Variants in CLVS1 observed in about 807,000 individuals in gnomAD.
The protein encoded by CLVS1 is clavesin 1.
A neutral mutation model predicts 33.1 loss-of-function variants in CLVS1; 10 were observed. The observed-to-expected ratio is 0.30, with a 90% confidence interval of 0.19 to 0.51. The LOEUF (loss-of-function observed/expected upper bound fraction) is 0.51. Among genes scored for constraint, CLVS1 ranks in the 20% least tolerant of loss-of-function variants. The pLI, the probability that CLVS1 is intolerant of heterozygous loss-of-function variation, is 0.97. For missense variants in CLVS1, 343 were observed against 433.4 expected (o/e 0.79, Z 1.85); for synonymous variants, 163 against 166.1 (o/e 0.98, Z 0.14).
the CLVS1 span, among the ~76,000 whole-genome samples, chr8:61,050,999 G>A: frequency 1.3e-5 from 2 of 152,194 alleles, no homozygotes; most frequent in African/African-American, 2.4e-5. Flanking sequence ...TCCGACTGAG[G>A]AGTGACCTCC....
the CLVS1 span, among the ~76,000 whole-genome samples, chr8:60,987,777 G>T: frequency 6.6e-6 from 1 of 152,076 alleles, no homozygotes; most frequent in Non-Finnish European, 1.5e-5. Context: ...TAATAAAAGT[G>T]CCAATGAGAG....
At chr8:61,172,664 A>T (rs1807027506) in intron 2 of CLVS1, among the ~76,000 whole-genome samples, 1 of 152,188 alleles carries the variant, frequency 6.6e-6, no homozygotes, top group African/African-American at 2.4e-5. Flanking sequence ...CTGCTGCCAT[A>T]CGAATCTTTA....
At chr8:61,047,707 C>G in the CLVS1 span, among the ~76,000 whole-genome samples, 1 of 152,128 alleles carries the variant, frequency 6.6e-6, no homozygotes, top group Admixed American at 6.5e-5. Flanking sequence ...AAACCAAACA[C>G]CGCATGTTCT....
At chr8:61,454,273 T>C (rs1276687215) in intron 4 of CLVS1, 22 bp downstream of exon 4, 1 of 1,528,162 alleles carries the variant, frequency 6.5e-7, no homozygotes, top group Non-Finnish European at 9.1e-7. Flanking sequence ...AAATGCATCA[T>C]GTAAATTCCT....
intron 2 of CLVS1, among the ~76,000 whole-genome samples, chr8:61,252,839 A>G (rs1368314318): frequency 1.3e-5 from 2 of 152,204 alleles, no homozygotes; most frequent in African/African-American, 4.8e-5. Context: ...GGTCTCCTGA[A>G]TACAGCACAC....
intron 2 of CLVS1, among the ~76,000 whole-genome samples, chr8:61,135,688 T>C (rs1806180230): frequency 6.6e-6 from 1 of 152,224 alleles, no homozygotes; most frequent in Non-Finnish European, 1.5e-5. Flanking sequence ...CTGAAGTCAG[T>C]TGGAGCCTGG....
At chr8:61,210,652 G>T (rs1250122845) in intron 2 of CLVS1, among the ~76,000 whole-genome samples, 1 of 152,156 alleles carries the variant, frequency 6.6e-6, no homozygotes, top group Non-Finnish European at 1.5e-5. Context: ...AGAACTCTGG[G>T]CTCTGGAAGG....
At chr8:61,119,207 T>C (rs1250862645) in intron 1 of CLVS1, among the ~76,000 whole-genome samples, 2 of 152,320 alleles carry the variant, frequency 1.3e-5, no homozygotes, top group East Asian at 1.9e-4. Flanking sequence ...CTGCCTTTAT[T>C]TGTTTTCCAT....
At chr8:60,996,292 C>T in the CLVS1 span, among the ~76,000 whole-genome samples, 1 of 152,172 alleles carries the variant, frequency 6.6e-6, no homozygotes, top group Non-Finnish European at 1.5e-5. Context: ...TTTTACTGGT[C>T]ACATGCCCTG....
chr8:61,466,658 T>C (rs1817555820), intron 5 of CLVS1, among the ~76,000 whole-genome samples: 1 of 152,294 alleles, frequency 6.6e-6, no homozygotes, highest in Non-Finnish European at 1.5e-5. Flanking sequence ...TTTATTATTA[T>C]TTTTTTGAGA....
rs535530999 is a variant in CLVS1 at position 61,230,029 on chromosome 8, T to C, written c.-151-69648T>C. On this transcript the variant is annotated intron_variant, in intron 2 of 2. Transcript: ENST00000522621. ...GCTATCTGAAAGGGACCTTTCTCTC[T>C]AAGATCTGAGAAGCTCTCTGTTACC... Among the ~76,000 whole-genome samples the C allele has an allele frequency of 3.9e-5, 6 of 152,312 alleles. No homozygotes were observed. The South Asian group carries it at 1.2e-3, about 32-fold the overall frequency.
intron 2 of CLVS1, among the ~76,000 whole-genome samples, chr8:61,192,074 TCCTAAGCCA>T (rs1454313410): frequency 7.9e-5 from 12 of 152,204 alleles, no homozygotes; most frequent in African/African-American, 2.6e-4. Context: ...GCCAAGACAA[TCCTAAGCCA>T]AAAGAACAAA....
At chr8:61,067,704 A>G (rs1231717098) in intron 1 of CLVS1, among the ~76,000 whole-genome samples, 1 of 152,044 alleles carries the variant, frequency 6.6e-6, no homozygotes, top group Non-Finnish European at 1.5e-5. Context: ...ACCATATCCT[A>G]AGTGAATTAA....
At chr8:61,285,944 T>G (rs1384287469), upstream of CLVS1, among the ~76,000 whole-genome samples, 5 of 145,678 alleles carry the variant, frequency 3.4e-5, no homozygotes, top group East Asian at 1.1e-3. Context: ...TGGATCATAT[T>G]TTGTTTTCCC....
At chr8:61,260,899 G>T (rs940822374) in intron 2 of CLVS1, among the ~76,000 whole-genome samples, 1 of 152,156 alleles carries the variant, frequency 6.6e-6, no homozygotes, top group Non-Finnish European at 1.5e-5. Flanking sequence ...GAAACACAAA[G>T]CTTTGCAAAC....
rs1298952885 is a variant in CLVS1, at chr8:61,299,937, A to T, written c.110A>T (p.Lys37Ile). 1 of 1,613,920 alleles carries T rather than the reference A, an allele frequency of 6.2e-7. No homozygotes were observed. The highest frequency in any genetic ancestry group is 8.5e-7 in the Non-Finnish European group (1 of 1,179,984). Residue 37 changes from lysine (K) to isoleucine (I), a missense_variant, in exon 2 of 6, where the codon AAA becomes ATA. Physicochemically the swap from Lys to Ile is moderately radical, Grantham distance 102. Around this residue, in one of 4 missense-constraint regions of CLVS1, gnomAD observed 88 missense variants for 77.3 expected, o/e 1.14. Coordinates refer to ENST00000325897, the MANE Select transcript of CLVS1 (RefSeq NM_173519.3). ...QAGLSPETIE[K>I]ARLELNENPD... is the part of the protein sequence containing the mutation. ...GGACTCAGTCCAGAGACTATAGAGA[A>T]AGCTCGCCTGGAACTGAATGAAAAC...
intron 1 of CLVS1, among the ~76,000 whole-genome samples, chr8:61,091,675 T>C (rs964393504): frequency 2.6e-5 from 4 of 152,222 alleles, no homozygotes; most frequent in East Asian, 3.8e-4. Flanking sequence ...TAGCAGATAC[T>C]ACCTGGATTA....
chr8:61,095,699 C>T (rs1805340364), intron 1 of CLVS1, among the ~76,000 whole-genome samples: 5 of 152,200 alleles, frequency 3.3e-5, no homozygotes, highest in Admixed American at 2.6e-4. Context: ...TTCACATCAA[C>T]ACATCAAAAC....
the CLVS1 span, among the ~76,000 whole-genome samples, chr8:60,997,402 G>T: frequency 6.6e-6 from 1 of 152,322 alleles, no homozygotes; most frequent in East Asian, 1.9e-4. Context: ...TCAGCATCTG[G>T]AGTGTGTGCT....
Sources: gnomAD v4.1 joint callset for allele counts (sites outside exome capture counted in the v4.1 genomes callset) on GRCh38, gnomAD v4.1.1 for gene constraint, gnomAD v4.1.1 regional missense constraint, MANE v1.5 for transcripts, NCBI Gene and HGNC (gene_info 2026-07-23, HGNC 2026-07-21) for gene names.